Variants in ITPR1 observed in about 807,000 individuals in gnomAD.
ITPR1 encodes the protein inositol 1,4,5-trisphosphate receptor type 1.
ITPR1 carries 96 observed loss-of-function variants against 318.4 expected under a neutral mutation model. That is an observed-to-expected ratio of 0.30 (90% confidence interval 0.26 to 0.36). The LOEUF is 0.36. ITPR1 is among the 10% of genes least tolerant of loss of function. ITPR1 has a pLI of 1.00. For synonymous variants in ITPR1, 1,312 were observed against 1,289.9 expected (o/e 1.02, Z -0.37); for missense variants, 2,440 against 3,460.2 (o/e 0.71, Z 7.40).
chr3:4,789,066 G>C (rs1212199258), intron 52 of ITPR1, among the ~76,000 whole-genome samples: 1 of 152,152 alleles, frequency 6.6e-6, no homozygotes, highest in African/African-American at 2.4e-5. Context: ...TCAGGCTAAT[G>C]GCAGATAAGG....
chr3:4,578,697 C>T (rs1238268468), intron 4 of ITPR1, among the ~76,000 whole-genome samples: 3 of 152,146 alleles, frequency 2.0e-5, no homozygotes, highest in Admixed American at 1.3e-4. Flanking sequence ...GAGATTTAAA[C>T]GTGGTTGGCG....
chr3:4,688,983 A>G (rs1341332580), intron 31 of ITPR1, among the ~76,000 whole-genome samples: 1 of 152,248 alleles, frequency 6.6e-6, no homozygotes, highest in Non-Finnish European at 1.5e-5. Flanking sequence ...ATGTATACAT[A>G]TATAATATTT....
chr3:4,694,600 C>A (rs1271346989), intron 33 of ITPR1, among the ~76,000 whole-genome samples: 1 of 152,150 alleles, frequency 6.6e-6, no homozygotes, highest in Non-Finnish European at 1.5e-5. Context: ...CACACCTCGG[C>A]TATATGGTAC....
chr3:4,567,879 C>A (rs1051280111), intron 4 of ITPR1, among the ~76,000 whole-genome samples: 1 of 152,162 alleles, frequency 6.6e-6, no homozygotes, highest in Non-Finnish European at 1.5e-5. Flanking sequence ...GTGGGGGTTA[C>A]AGGTGTGAGC....
chr3:4,659,051 C>T (rs188671940), intron 13 of ITPR1, among the ~76,000 whole-genome samples: 7 of 152,264 alleles, frequency 4.6e-5, no homozygotes, highest in Admixed American at 1.3e-4. Flanking sequence ...CAGTGAGTCC[C>T]GTAGCAGAAC....
intron 60 of ITPR1, among the ~76,000 whole-genome samples, chr3:4,834,650 T>A (rs1026244114): frequency 6.6e-6 from 1 of 152,150 alleles, no homozygotes; most frequent in Non-Finnish European, 1.5e-5. Context: ...GGCTACTTCC[T>A]TGGTGGGAAG....
intron 4 of ITPR1, among the ~76,000 whole-genome samples, chr3:4,541,576 G>C (rs1333166017): frequency 6.6e-6 from 1 of 151,124 alleles, no homozygotes; most frequent in Non-Finnish European, 1.5e-5. Flanking sequence ...TAGATTTGAG[G>C]TTGTTTTTTG....
chr3:4,614,212 G>C (rs1336089695), intron 4 of ITPR1, among the ~76,000 whole-genome samples: 1 of 152,180 alleles, frequency 6.6e-6, no homozygotes, highest in African/African-American at 2.4e-5. Context: ...GCTGAAGTGA[G>C]CCTTGATCAC....
At chr3:4,620,920 C>T (rs1002593446) in intron 4 of ITPR1, among the ~76,000 whole-genome samples, 1 of 151,788 alleles carries the variant, frequency 6.6e-6, no homozygotes, top group African/African-American at 2.4e-5. Flanking sequence ...TCTTTTTCTG[C>T]CACCCCCCAC....
At chr3:4,635,364 G>A (rs368020057) in intron 5 of ITPR1, among the ~76,000 whole-genome samples, 12 of 152,014 alleles carry the variant, frequency 7.9e-5, no homozygotes, top group African/African-American at 2.4e-4. Context: ...TGGTGGGGAC[G>A]GAGTCTCACT....
chr3:4,535,143 G>A (rs1390317486), intron 4 of ITPR1, among the ~76,000 whole-genome samples: 2 of 151,546 alleles, frequency 1.3e-5, no homozygotes, highest in African/African-American at 4.9e-5. Context: ...TCTGGGCGGG[G>A]GGAGGGAGGA....
intron 44 of ITPR1, among the ~76,000 whole-genome samples, chr3:4,763,837 G>C (rs886082170): frequency 6.6e-6 from 1 of 152,240 alleles, no homozygotes; most frequent in Non-Finnish European, 1.5e-5. Flanking sequence ...CAGACAGCGC[G>C]GTCCGTGGCA....
At chr3:4,656,613 C>G (rs2093714946) in intron 12 of ITPR1, among the ~76,000 whole-genome samples, 2 of 152,358 alleles carry the variant, frequency 1.3e-5, no homozygotes, top group South Asian at 4.1e-4. Flanking sequence ...TTGGGGGCCG[C>G]AGCTGAACTA....
chr3:4,516,047 A>T (rs2082148559), intron 2 of ITPR1, among the ~76,000 whole-genome samples: 1 of 152,250 alleles, frequency 6.6e-6, no homozygotes, highest in East Asian at 1.9e-4. Context: ...TTTTTATACC[A>T]GGTGTTTCCT....
At chr3:4,706,966 G>A (rs1301545639) in intron 37 of ITPR1, among the ~76,000 whole-genome samples, 1 of 152,228 alleles carries the variant, frequency 6.6e-6, no homozygotes, top group Non-Finnish European at 1.5e-5. Context: ...ATAGGTCACA[G>A]TTTGAGAATC....
chr3:4,687,338 G>C (rs373846455), intron 30 of ITPR1, among the ~76,000 whole-genome samples: 30 of 152,162 alleles, frequency 2.0e-4, no homozygotes, highest in East Asian at 9.6e-4. Flanking sequence ...CACTTCATGT[G>C]ACTTTTCTCA....
chr3:4,663,413 A>C (rs940896963), intron 16 of ITPR1, among the ~76,000 whole-genome samples: 1 of 152,216 alleles, frequency 6.6e-6, no homozygotes, highest in African/African-American at 2.4e-5. Context: ...AAGAGAAAGA[A>C]AAAGAGAAAT....
At chr3:4,671,002 T>G in intron 20 of ITPR1, 76 bp downstream of exon 20, 1 of 1,098,102 alleles carries the variant, frequency 9.1e-7, no homozygotes, top group Non-Finnish European at 1.3e-6. Context: ...GCTCGTTTGT[T>G]GATTACTTCA....
chr3:4,705,479 T>C (rs1442709142), intron 36 of ITPR1, among the ~76,000 whole-genome samples: 4 of 152,208 alleles, frequency 2.6e-5, no homozygotes, highest in African/African-American at 7.2e-5. Flanking sequence ...CAGGATTTGG[T>C]CCAGGTACCA....
Sources: gnomAD v4.1 joint callset for allele counts (sites outside exome capture counted in the v4.1 genomes callset) on GRCh38, gnomAD v4.1.1 for gene constraint, MANE v1.5 for transcripts, NCBI Gene and HGNC (gene_info 2026-07-23, HGNC 2026-07-21) for gene names.